GAS2L1: variants seen among roughly 807,000 people sequenced by gnomAD.
The protein encoded by GAS2L1 is growth arrest specific 2 like 1, also known as GAS2-like protein 1.
GAS2L1 carries 26 observed loss-of-function variants against 44.0 expected under a neutral mutation model. The observed-to-expected ratio is 0.59, with a 90% CI of 0.43 to 0.82. The LOEUF is 0.82. GAS2L1 is among the 40% of genes least tolerant of loss of function. The pLI is 0.00. For synonymous variants in GAS2L1, 426 were observed against 415.9 expected (o/e 1.02, Z -0.30); for missense variants, 1,006 against 983.0 (o/e 1.02, Z -0.31).
At chr22:29,311,204 C>A in intron 4 of GAS2L1, 1 of 602,000 alleles carries the variant, frequency 1.7e-6, no homozygotes, top group South Asian at 2.0e-5. Context: ...TGGGCGGCAG[C>A]CAGTCCAGCT....
chr22:29,311,803 G>C (rs776372643), exon 5 of GAS2L1: 2 of 1,583,068 alleles, frequency 1.3e-6, no homozygotes, highest in East Asian at 2.3e-5. Context: ...CGCAGGGATC[G>C]AGACGGGCAG....
At chr22:29,312,448 A>G in exon 5 of GAS2L1, 1 of 1,531,972 alleles carries the variant, frequency 6.5e-7, no homozygotes, top group Non-Finnish European at 8.8e-7. Context: ...GGGACATGGC[A>G]TGCCCTGCAC....
intron 4 of GAS2L1, 170 bp downstream of exon 5, chr22:29,311,168 AAC>A (rs1361371251): frequency 4.7e-6 from 3 of 638,742 alleles, no homozygotes; most frequent in Non-Finnish European, 8.0e-6. Context: ...CCAAACCAAC[AAC>A]ACAGCTGGGG....
chr22:29,307,922 C>T (rs373270649), exon 1 of GAS2L1: 11 of 459,774 alleles, frequency 2.4e-5, no homozygotes, highest in East Asian at 2.0e-4. Flanking sequence ...TTACTGTACC[C>T]ATTTCGCAGA....
exon 5 of GAS2L1, chr22:29,311,900 C>A: frequency 6.2e-7 from 1 of 1,601,268 alleles, no homozygotes; most frequent in Non-Finnish European, 8.5e-7. Flanking sequence ...CTGCAGCACC[C>A]CGGCTTTCCC....
exon 5 of GAS2L1, chr22:29,311,598 C>T: frequency 6.5e-7 from 1 of 1,539,888 alleles, no homozygotes; most frequent in Middle Eastern, 1.7e-4. Context: ...GAGGGAGCGA[C>T]CCAGCCGGCG....
Position 29,308,698 on chromosome 22 carries a change from C to T in GAS2L1, c.593C>T (p.Pro198Leu), listed in dbSNP as rs541058137. Residue 198 changes from proline to leucine, a missense_variant, in exon 1 of 5, where the codon CCC (proline) becomes CTC (leucine). Pro to Leu is a moderately conservative substitution (Grantham distance 98). Transcript: ENST00000618518. ...GCACCAGGGACTCCTGCCCGCGGCC[C>T]CCGCATGACACCCAGCGACCTGCGC... 300 of 1,503,192 alleles carry T rather than the reference C, an allele frequency of 2.0e-4. No individual in the cohort carries two copies. Among genetic ancestry groups the T allele is most frequent in the East Asian group, 3.0e-4 (13 of 43,100 alleles). 93.1% of individuals were successfully genotyped at this position (1,503,192 alleles called of 1,614,324 possible). A position where few individuals can be genotyped will look rare whatever the true frequency, so the allele number is the denominator to read the frequency against.
At chr22:29,308,347 C>A in exon 1 of GAS2L1, 7 of 1,603,966 alleles carry the variant, frequency 4.4e-6, no homozygotes, top group Non-Finnish European at 6.0e-6. Flanking sequence ...GCCGCCCGCC[C>A]GGCCCGAGGT....
At chr22:29,309,047 T>G (rs374279228) in intron 1 of GAS2L1, among the ~76,000 whole-genome samples, 3 of 152,220 alleles carry the variant, frequency 2.0e-5, no homozygotes, top group African/African-American at 7.2e-5. Context: ...TTCCTTCTTC[T>G]GGGGGGCCGC....
At chr22:29,310,598 G>A (rs766576376) in intron 2 of GAS2L1, 40 bp from the exon 4 acceptor site, 10 of 1,582,826 alleles carry the variant, frequency 6.3e-6, no homozygotes, top group Non-Finnish European at 7.8e-6. Flanking sequence ...GTGGGCTGCG[G>A]GGCGCCCGGG....
chr22:29,309,056 G>T (rs1285391391), intron 1 of GAS2L1, among the ~76,000 whole-genome samples: 1 of 152,222 alleles, frequency 6.6e-6, no homozygotes, highest in Non-Finnish European at 1.5e-5. Context: ...CTGGGGGGCC[G>T]CATGATCGGG....
At chr22:29,312,241 C>T in exon 5 of GAS2L1, 1 of 1,612,922 alleles carries the variant, frequency 6.2e-7, no homozygotes, top group African/African-American at 1.3e-5. Context: ...CGAAGCCAAG[C>T]CCTTTCCAGC....
intron 1 of GAS2L1, among the ~76,000 whole-genome samples, chr22:29,309,474 C>T (rs748549861): frequency 5.3e-5 from 8 of 152,234 alleles, no homozygotes; most frequent in Admixed American, 2.0e-4. Flanking sequence ...AGGCAGATAG[C>T]GGATGGCAGT....
chr22:29,312,406 G>T, exon 5 of GAS2L1: 1 of 1,565,472 alleles, frequency 6.4e-7, no homozygotes. Context: ...ACGCCTCGGG[G>T]CCCCCGCCGC....
intron 1 of GAS2L1, chr22:29,310,211 C>T: frequency 4.0e-6 from 1 of 250,520 alleles, no homozygotes; most frequent in Non-Finnish European, 7.4e-6. Context: ...TATTGCACTC[C>T]AGCCTGGGCA....
At chr22:29,311,063 A>G in intron 4 of GAS2L1, 65 bp downstream of exon 5, 2 of 1,452,194 alleles carry the variant, frequency 1.4e-6, no homozygotes, top group Non-Finnish European at 9.4e-7. Context: ...CCTGGCCTGC[A>G]TGATGGGTTG....
chr22:29,308,326 G>A (rs746848845), exon 1 of GAS2L1: 13 of 1,605,506 alleles, frequency 8.1e-6, no homozygotes, highest in Non-Finnish European at 1.1e-5. Flanking sequence ...GAGGCTGCCC[G>A]TGCATTGGCA....
At chr22:29,308,860 C>T (rs1208384474) in intron 1 of GAS2L1, 122 bp downstream of exon 2, 2 of 763,052 alleles carry the variant, frequency 2.6e-6, no homozygotes, top group Non-Finnish European at 3.8e-6. Flanking sequence ...AAAAAGAGTG[C>T]ACATGTTGAG....
At chr22:29,308,324 C>A in exon 1 of GAS2L1, 1 of 1,606,276 alleles carries the variant, frequency 6.2e-7, no homozygotes, top group Non-Finnish European at 8.5e-7. Context: ...CCGAGGCTGC[C>A]CGTGCATTGG....
Sources: allele counts gnomAD v4.1 joint callset (sites outside exome capture counted in the v4.1 genomes callset), GRCh38; gene constraint gnomAD v4.1.1; transcripts MANE v1.5; gene names NCBI Gene and HGNC (gene_info 2026-07-23, HGNC 2026-07-21).